SUPT3H: variants seen among roughly 807,000 people sequenced by gnomAD.
The protein encoded by SUPT3H is SPT3 homolog, SAGA and STAGA complex component, also known as transcription initiation protein SPT3 homolog.
A neutral mutation model predicts 44.3 loss-of-function variants in SUPT3H; 44 were observed. That is an observed-to-expected ratio of 0.99 (90% confidence interval 0.78 to 1.28). The LOEUF (loss-of-function observed/expected upper bound fraction) is 1.28. Among genes scored for constraint, SUPT3H ranks in the 50% most tolerant of loss-of-function variants. The pLI, the probability that SUPT3H is intolerant of heterozygous loss-of-function variation, is 0.00. For synonymous variants in SUPT3H, 124 were observed against 125.6 expected (o/e 0.99, Z 0.09); for missense variants, 380 against 387.1 (o/e 0.98, Z 0.15).
intron 10 of SUPT3H, among the ~76,000 whole-genome samples, chr6:44,925,485 A>G (rs1349197209): frequency 6.6e-6 from 1 of 152,220 alleles, no homozygotes; most frequent in Non-Finnish European, 1.5e-5. Flanking sequence ...ATATCAGGAG[A>G]AACTAAAATA....
intron 10 of SUPT3H, among the ~76,000 whole-genome samples, chr6:44,868,765 TC>T (rs1775900945): frequency 6.6e-6 from 1 of 152,204 alleles, no homozygotes; most frequent in African/African-American, 2.4e-5. Flanking sequence ...CTGATGTTTG[TC>T]CCAAAGACAA....
At chr6:45,215,239 G>A (rs1013422959) in intron 2 of SUPT3H, among the ~76,000 whole-genome samples, 1 of 152,080 alleles carries the variant, frequency 6.6e-6, no homozygotes. Context: ...AGAGCTGATT[G>A]TCCCACTAGA....
chr6:44,968,140 ATTG>A lies in SUPT3H; in HGVS notation c.505-6315_505-6313del, dbSNP rs1429042252. ...TCTGATTACTCTTAAAAGTCTTACA[ATTG>A]AAATGCAGAGTCCTTTTTGCATGGA... On this transcript the variant is annotated intron_variant, in intron 6 of 10. Transcript: ENST00000371459. Among the ~76,000 whole-genome samples the A allele has an allele frequency of 2.0e-5, 3 of 152,206 alleles. No homozygotes were observed. In the East Asian group the frequency reaches 5.8e-4, roughly 29 times the overall value.
In SUPT3H at chr6:45,282,003, T is replaced by A. The variant is rs541589026; in HGVS notation, c.101+83198A>T. Among the ~76,000 whole-genome samples, 5 of 152,160 alleles carry A rather than the reference T, an allele frequency of 3.3e-5. No homozygotes were observed. The East Asian group carries it at 5.8e-4, about 18-fold the overall frequency. ...GGTCTAGAGTGGACATCCAGCAAAC[T>A]CCAACAGACCTGCAGCTGAGGGTCC... On this transcript the variant is annotated intron_variant, in intron 2 of 10. Transcript: ENST00000371459.
At chr6:44,923,765 A>G (rs1769093427) in intron 10 of SUPT3H, among the ~76,000 whole-genome samples, 1 of 152,098 alleles carries the variant, frequency 6.6e-6, no homozygotes, top group Admixed American at 6.5e-5. Context: ...ATATTGCTGC[A>G]GAGAGTTTAA....
chr6:44,860,108 G>A (rs899536521), intron 10 of SUPT3H, among the ~76,000 whole-genome samples: 9 of 152,160 alleles, frequency 5.9e-5, no homozygotes, highest in African/African-American at 2.2e-4. Context: ...TCTGCTAAGT[G>A]GGCTGTCCCA....
intron 2 of SUPT3H, among the ~76,000 whole-genome samples, chr6:45,340,251 C>T (rs1254964255): frequency 2.6e-5 from 4 of 152,060 alleles, no homozygotes; most frequent in Non-Finnish European, 5.9e-5. Context: ...TTAAGAAATA[C>T]TAATCTGACA....
chr6:44,828,249 A>AAAT lies in SUPT3H; in HGVS notation c.*1564_*1566dup, dbSNP rs1170802618. On this transcript the variant is annotated 3_prime_UTR_variant, in exon 11 of 11. Coordinates refer to ENST00000371459, the MANE Select transcript of SUPT3H (RefSeq NM_003599.4). ...TTTCCATGATTATGGATGCCAAGGAAAATAAGAATGATAAAAAGTTTAATC... is the reference window on the plus strand; with the variant it reads ...TTTCCATGATTATGGATGCCAAGGAAAATAATAAGAATGATAAAAAGTTTAATC... Among the ~76,000 whole-genome samples, 3 of 151,250 alleles carry AAAT rather than the reference A, an allele frequency of 2.0e-5. No homozygotes were observed.
chr6:44,889,874 G>A (rs1341991535), intron 10 of SUPT3H, among the ~76,000 whole-genome samples: 1 of 152,020 alleles, frequency 6.6e-6, no homozygotes, highest in Admixed American at 6.6e-5. Context: ...CTGACAAAGG[G>A]CTAATATCCA....
intron 10 of SUPT3H, among the ~76,000 whole-genome samples, chr6:44,849,222 T>C (rs28605232): frequency 1.1e-3 from 5 of 4,360 alleles, no homozygotes; most frequent in Non-Finnish European, 1.7e-3. Flanking sequence ...AATGAATACT[T>C]TTTTTTTTTT....
chr6:45,008,567 C>T (rs1249820727), intron 5 of SUPT3H, among the ~76,000 whole-genome samples: 1 of 151,866 alleles, frequency 6.6e-6, no homozygotes, highest in Non-Finnish European at 1.5e-5. Context: ...GTTGCCCAGG[C>T]TGGTTTCAAA....
At chr6:45,200,155 A>G (rs1370427862) in intron 2 of SUPT3H, among the ~76,000 whole-genome samples, 1 of 151,592 alleles carries the variant, frequency 6.6e-6, no homozygotes, top group Non-Finnish European at 1.5e-5. Context: ...TTGAAAATTA[A>G]TTAGTAACAA....
At chr6:45,207,743 C>A (rs570354952) in intron 2 of SUPT3H, among the ~76,000 whole-genome samples, 1 of 152,120 alleles carries the variant, frequency 6.6e-6, no homozygotes, top group South Asian at 2.1e-4. Flanking sequence ...CACCAAGAAC[C>A]AGGCCCATAT....
intron 2 of SUPT3H, among the ~76,000 whole-genome samples, chr6:45,166,165 C>T (rs1473653087): frequency 2.6e-5 from 4 of 152,046 alleles, no homozygotes; most frequent in Non-Finnish European, 5.9e-5. Flanking sequence ...TGGTGGCACA[C>T]GCTTGTGGTC....
At chr6:45,073,143 C>T (rs34251367) in intron 3 of SUPT3H, among the ~76,000 whole-genome samples, 17,083 of 152,026 alleles carry the variant, frequency 0.11, 1,357 homozygotes, top group East Asian at 0.26. Flanking sequence ...TCATTATCTA[C>T]GCTGAAGATA....
intron 10 of SUPT3H, among the ~76,000 whole-genome samples, chr6:44,902,630 A>C (rs1765281987): frequency 6.6e-6 from 1 of 152,190 alleles, no homozygotes; most frequent in African/African-American, 2.4e-5. Flanking sequence ...ACGAGACAGA[A>C]AATTAACAAG....
At chr6:44,986,447 C>G (rs1467140749) in intron 6 of SUPT3H, among the ~76,000 whole-genome samples, 1 of 152,084 alleles carries the variant, frequency 6.6e-6, no homozygotes, top group Non-Finnish European at 1.5e-5. Flanking sequence ...GACTCTGGTA[C>G]TACTACTACT....
intron 9 of SUPT3H, among the ~76,000 whole-genome samples, chr6:44,935,240 C>T (rs1190302571): frequency 6.6e-6 from 1 of 151,828 alleles, no homozygotes; most frequent in Non-Finnish European, 1.5e-5. Context: ...TATCAAGGTG[C>T]TAATAATCTG....
intron 9 of SUPT3H, among the ~76,000 whole-genome samples, chr6:44,937,614 T>C (rs993264510): frequency 3.3e-5 from 5 of 152,210 alleles, no homozygotes; most frequent in Non-Finnish European, 7.4e-5. Flanking sequence ...TTTTTAATAA[T>C]AGCCATTCTG....
Sources: allele counts gnomAD v4.1 joint callset (sites outside exome capture counted in the v4.1 genomes callset), GRCh38; gene constraint gnomAD v4.1.1; transcripts MANE v1.5; gene names NCBI Gene and HGNC (gene_info 2026-07-23, HGNC 2026-07-21).